Variants in ADGRL3 observed in about 807,000 individuals in gnomAD.
ADGRL3 encodes calcium-independent alpha-latrotoxin receptor 3.
Under a neutral mutation model 153.5 loss-of-function variants are expected in ADGRL3, and 62 were observed. The observed-to-expected ratio is 0.40, with a 90% CI of 0.33 to 0.50. The LOEUF (loss-of-function observed/expected upper bound fraction) is 0.50, where lower values mean the gene tolerates loss of function less well. ADGRL3 is among the 20% of genes least tolerant of loss of function. The pLI, the probability that ADGRL3 is intolerant of heterozygous loss-of-function variation, is 0.47. For missense variants in ADGRL3, 1,641 were observed against 1,859.4 expected, an observed-to-expected ratio of 0.88 and a Z score of 2.16; for synonymous variants, 710 against 672.5, an observed-to-expected ratio of 1.06 and a Z score of -0.86.
intron 13 of ADGRL3, among the ~76,000 whole-genome samples, chr4:61,930,382 T>C (rs921817356): frequency 2.0e-5 from 3 of 152,190 alleles, no homozygotes; most frequent in African/African-American, 4.8e-5. Context: ...CATCATTCAT[T>C]ATTTTGTGTA....
chr4:61,265,340 T>A (rs2092784191), intron 1 of ADGRL3, among the ~76,000 whole-genome samples: 1 of 151,930 alleles, frequency 6.6e-6, no homozygotes, highest in African/African-American at 2.4e-5. Context: ...TGGGTTTGAT[T>A]TACTGACTTT....
chr4:62,066,674 A>G (rs570249113), intron 25 of ADGRL3, among the ~76,000 whole-genome samples: 1 of 152,266 alleles, frequency 6.6e-6, no homozygotes, highest in East Asian at 1.9e-4. Flanking sequence ...AATTTAATTC[A>G]ATTCTAAAGC....
intron 3 of ADGRL3, among the ~76,000 whole-genome samples, chr4:61,501,974 C>G (rs945874610): frequency 6.6e-6 from 1 of 152,114 alleles, no homozygotes; most frequent in Non-Finnish European, 1.5e-5. Context: ...ATATCCTTAT[C>G]TATAATGCAA....
intron 5 of ADGRL3, among the ~76,000 whole-genome samples, chr4:61,633,272 T>C (rs2093273102): frequency 2.3e-5 from 1 of 43,702 alleles, no homozygotes; most frequent in African/African-American, 7.9e-5. Flanking sequence ...CACACACACT[T>C]AGGCTTGACA....
chr4:61,791,105 C>A (rs2097336277), intron 8 of ADGRL3, among the ~76,000 whole-genome samples: 2 of 152,092 alleles, frequency 1.3e-5, no homozygotes, highest in Admixed American at 1.3e-4. Flanking sequence ...ATTTCAAAAC[C>A]AATCATGCCT....
intron 9 of ADGRL3, among the ~76,000 whole-genome samples, chr4:61,880,326 C>T (rs1360369077): frequency 1.3e-5 from 2 of 152,000 alleles, no homozygotes; most frequent in African/African-American, 4.8e-5. Flanking sequence ...ACTTAAGGTT[C>T]CTTGAGACAC....
At chr4:61,651,999 A>G (rs777574287) in intron 5 of ADGRL3, among the ~76,000 whole-genome samples, 3 of 152,080 alleles carry the variant, frequency 2.0e-5, no homozygotes, top group Non-Finnish European at 2.9e-5. Context: ...ATTAAGCCAA[A>G]AATGAAGAAT....
intron 1 of ADGRL3, among the ~76,000 whole-genome samples, chr4:61,237,182 T>G (rs1753169792): frequency 6.6e-6 from 1 of 152,184 alleles, no homozygotes; most frequent in African/African-American, 2.4e-5. Context: ...GCTAGGAATC[T>G]TCACATTTTC....
rs140805615 is a variant in ADGRL3, at chr4:61,614,026, C to T, written c.473+26586C>T. ...AGTGAATAATGAATTTATTTCTCCA[C>T]GTTTATTTTTTTTAATAAATTGAAA... On this transcript the variant is annotated intron_variant, in intron 5 of 26. Coordinates refer to ENST00000683033, the MANE Select transcript of ADGRL3 (RefSeq NM_001387552.1). Among the ~76,000 whole-genome samples the T allele has an allele frequency of 5.2e-3, 785 of 151,802 alleles. 7 individuals carry two copies. Among genetic ancestry groups the T allele is most frequent in the African/African-American group, 0.018 (733 of 41,364 alleles).
Position 61,284,440 on chromosome 4 carries a change from A to G in ADGRL3, c.-240+82675A>G, listed in dbSNP as rs189879901. On this transcript the variant is annotated intron_variant, in intron 1 of 26. Transcript: ENST00000683033. ...CAGTGGACCAGTTTCTTGTTTTATA[A>G]TTGCCTGATCTAACCAATAAAGCCT... 5.2e-3 allele frequency among the ~76,000 whole-genome samples: 788 copies of G among 151,974 alleles called. 2 individuals carry two copies. Among genetic ancestry groups the G allele is most frequent in the Non-Finnish European group, 8.8e-3 (595 of 67,838 alleles).
intron 9 of ADGRL3, among the ~76,000 whole-genome samples, chr4:61,848,984 A>G (rs1003436025): frequency 1.3e-5 from 2 of 152,208 alleles, no homozygotes; most frequent in Non-Finnish European, 2.9e-5. Flanking sequence ...TTATGAAGCT[A>G]AAGTTAGTTC....
intron 18 of ADGRL3, 112 bp from the exon 19 acceptor site, chr4:61,983,271 T>C: frequency 1.4e-6 from 1 of 698,134 alleles, no homozygotes; most frequent in South Asian, 1.9e-5. Flanking sequence ...AGGTTATTAT[T>C]TTGCAGATCT....
intron 2 of ADGRL3, among the ~76,000 whole-genome samples, chr4:61,475,244 T>A (rs1254779557): frequency 6.6e-6 from 1 of 152,192 alleles, no homozygotes; most frequent in African/African-American, 2.4e-5. Flanking sequence ...TAAAAGTATT[T>A]GTTTAAATCA....
chr4:61,401,962 C>G (rs942544009), intron 2 of ADGRL3, among the ~76,000 whole-genome samples: 5 of 152,058 alleles, frequency 3.3e-5, no homozygotes, highest in African/African-American at 1.2e-4. Context: ...GATATGTGGT[C>G]TTTCCTAACT....
At chr4:61,357,649 G>A (rs892060000) in intron 1 of ADGRL3, among the ~76,000 whole-genome samples, 1 of 151,954 alleles carries the variant, frequency 6.6e-6, no homozygotes, top group Non-Finnish European at 1.5e-5. Context: ...GTCAATTTTT[G>A]TAGCAATTTC....
intron 8 of ADGRL3, among the ~76,000 whole-genome samples, chr4:61,798,043 T>C (rs1363953215): frequency 6.6e-6 from 1 of 152,206 alleles, no homozygotes; most frequent in Non-Finnish European, 1.5e-5. Context: ...TAATGATGTT[T>C]AGAAAAGGTA....
intron 1 of ADGRL3, among the ~76,000 whole-genome samples, chr4:61,258,650 A>G (rs1255267389): frequency 6.6e-6 from 1 of 152,212 alleles, no homozygotes; most frequent in African/African-American, 2.4e-5. Context: ...ATTATATACA[A>G]TGAAATCAGT....
At chr4:61,830,769 A>G (rs2097859424) in intron 9 of ADGRL3, among the ~76,000 whole-genome samples, 2 of 152,242 alleles carry the variant, frequency 1.3e-5, no homozygotes, top group Admixed American at 1.3e-4. Context: ...TACAATAGAC[A>G]TATTAGAATT....
chr4:61,233,541 T>C (rs901056081), intron 1 of ADGRL3, among the ~76,000 whole-genome samples: 1 of 152,122 alleles, frequency 6.6e-6, no homozygotes, highest in African/African-American at 2.4e-5. Context: ...GGAGGCTTCA[T>C]TGAGAAGGTG....
Sources: gnomAD v4.1 joint callset for allele counts (sites outside exome capture counted in the v4.1 genomes callset) on GRCh38, gnomAD v4.1.1 for gene constraint, MANE v1.5 for transcripts, NCBI Gene and HGNC (gene_info 2026-07-23, HGNC 2026-07-21) for gene names.